The following ZMYM2 variants were observed in gnomAD, a reference collection of about 807,000 sequenced individuals.
ZMYM2 encodes the protein zinc finger MYM-type protein 2.
Under a neutral mutation model 162.8 loss-of-function variants are expected in ZMYM2, and 56 were observed. That is an observed-to-expected ratio of 0.34 (90% CI 0.28 to 0.43). The LOEUF (loss-of-function observed/expected upper bound fraction) is 0.43, where lower values mean the gene tolerates loss of function less well. Among genes scored for constraint, ZMYM2 ranks in the 20% least tolerant of loss-of-function variants. The pLI, the probability that ZMYM2 is intolerant of heterozygous loss-of-function variation, is 1.00. For missense variants in ZMYM2, 1,275 were observed against 1,621.8 expected (o/e 0.79, Z 3.67); for synonymous variants, 510 against 541.6 (o/e 0.94, Z 0.81).
At chr13:19,958,053 G>A (rs1954678277), upstream of ZMYM2, among the ~76,000 whole-genome samples, 1 of 152,218 alleles carries the variant, frequency 6.6e-6, no homozygotes, top group Non-Finnish European at 1.5e-5. Context: ...GGAGGACGTC[G>A]TCTCCTCCTG....
At chr13:20,031,528 G>T in intron 10 of ZMYM2, 93 bp downstream of exon 10, 1 of 815,868 alleles carries the variant, frequency 1.2e-6, no homozygotes, top group Non-Finnish European at 1.8e-6. Flanking sequence ...CTATTTCTTG[G>T]TAGATAAAAA....
chr13:20,010,320 C>G (rs1053958523), intron 6 of ZMYM2, among the ~76,000 whole-genome samples: 2 of 151,822 alleles, frequency 1.3e-5, no homozygotes, highest in South Asian at 4.2e-4. Context: ...CTCAGCCTCC[C>G]GAGTAGCTGG....
chr13:19,878,294 C>A, the ZMYM2 span, among the ~76,000 whole-genome samples: 1 of 152,120 alleles, frequency 6.6e-6, no homozygotes, highest in Non-Finnish European at 1.5e-5. Context: ...CTCAAGTGAT[C>A]TGCCTGCCTC....
intron 6 of ZMYM2, among the ~76,000 whole-genome samples, chr13:20,009,479 C>G (rs1951004605): frequency 6.6e-6 from 1 of 152,146 alleles, no homozygotes; most frequent in Non-Finnish European, 1.5e-5. Flanking sequence ...GCATTAGTTA[C>G]ATTTACAGTG....
chr13:20,066,874 A>G lies in ZMYM2; in HGVS notation c.3156A>G (p.Ser1052=), dbSNP rs1350322370. 6.2e-7 allele frequency: 1 copy of G among 1,604,478 alleles called. No homozygotes were observed. The highest frequency in any genetic ancestry group is 1.3e-5 in the African/African-American group (1 of 74,500). ...AGGGAGCCAAGAGAAAGGCTGTATC[A>G]GGATACCAGTCTCATGATGATAGTT... ...KKKGAKRKAV[S]GYQSHDDSSD... Residue 1052 remains serine, a synonymous_variant, in exon 20 of 25, where the codon TCA becomes TCG. Transcript: ENST00000610343.
At chr13:19,975,419 A>G (rs867578331) in intron 2 of ZMYM2, among the ~76,000 whole-genome samples, 5 of 152,142 alleles carry the variant, frequency 3.3e-5, no homozygotes, top group African/African-American at 9.7e-5. Context: ...TGGAATCACA[A>G]TATTTGTCCT....
At chr13:20,060,757 A>G (rs1956168267) in intron 16 of ZMYM2, among the ~76,000 whole-genome samples, 1 of 152,170 alleles carries the variant, frequency 6.6e-6, no homozygotes, top group Non-Finnish European at 1.5e-5. Context: ...ATATTATTTT[A>G]TCCCAAATCA....
intron 2 of ZMYM2, among the ~76,000 whole-genome samples, chr13:19,976,200 T>C (rs7983243): frequency 0.98 from 149,159 of 151,744 alleles, 73,358 homozygotes; most frequent in Middle Eastern, 1. Flanking sequence ...TGCTGGCGCG[T>C]GCCTGTAGTC....
the ZMYM2 span, among the ~76,000 whole-genome samples, chr13:19,868,003 C>A: frequency 6.6e-6 from 1 of 152,212 alleles, no homozygotes; most frequent in Admixed American, 6.5e-5. Flanking sequence ...CCGTTGCTCA[C>A]CATTTGGAGC....
chr13:20,016,347 T>A (rs1295399587), intron 6 of ZMYM2, among the ~76,000 whole-genome samples: 1 of 152,120 alleles, frequency 6.6e-6, no homozygotes, highest in Non-Finnish European at 1.5e-5. Flanking sequence ...TAATATAGAT[T>A]TACAATTTTG....
At position 20,073,981 on chromosome 13, in the gene ZMYM2, G is replaced by T. The variant is rs1957282638; in HGVS notation, c.3453+6591G>T. Among the ~76,000 whole-genome samples the T allele has an allele frequency of 3.3e-5, 5 of 152,052 alleles. No homozygotes were observed. In the South Asian group the frequency reaches 1.0e-3, roughly 32 times the overall value. On this transcript the variant is annotated intron_variant, in intron 21 of 24. Coordinates refer to ENST00000610343, the MANE Select transcript of ZMYM2 (RefSeq NM_197968.4). Reference sequence around the variant, plus strand: ...TCTCTAGAACTCTTTTCATCTTGCAGAACTGAAACTCTGTACTCATTAAAT... The same window carrying T: ...TCTCTAGAACTCTTTTCATCTTGCATAACTGAAACTCTGTACTCATTAAAT...
chr13:19,947,739 C>T, the ZMYM2 span, among the ~76,000 whole-genome samples: 10 of 152,064 alleles, frequency 6.6e-5, no homozygotes, highest in Non-Finnish European at 2.9e-5. Context: ...GGTGATCCAT[C>T]GGCCTCGGCT....
chr13:19,885,858 A>AT, the ZMYM2 span, among the ~76,000 whole-genome samples: 6,995 of 45,386 alleles, frequency 0.15, 1,572 homozygotes, highest in South Asian at 0.24. Context: ...AAAAAAAAAA[A>AT]AAAAATATAT....
chr13:19,922,530 A>C, the ZMYM2 span, among the ~76,000 whole-genome samples: 2 of 152,042 alleles, frequency 1.3e-5, no homozygotes, highest in Non-Finnish European at 1.5e-5. Flanking sequence ...ATCACTTTTG[A>C]ATTTTTTTTC....
intron 10 of ZMYM2, among the ~76,000 whole-genome samples, chr13:20,032,091 G>A (rs1594473750): frequency 6.6e-6 from 1 of 151,842 alleles, no homozygotes; most frequent in East Asian, 1.9e-4. Context: ...GGCTGGTCTC[G>A]ATCTCCAGAC....
At chr13:20,017,247 G>A (rs948218946) in intron 6 of ZMYM2, among the ~76,000 whole-genome samples, 4 of 152,198 alleles carry the variant, frequency 2.6e-5, no homozygotes, top group African/African-American at 7.2e-5. Flanking sequence ...ATTGTAGCCC[G>A]GCCAGGGTGG....
rs1156935393 is a variant in ZMYM2 at position 20,005,077 on chromosome 13, T to G, written c.1137T>G (p.Asp379Glu). 6.2e-7 allele frequency: 1 copy of G among 1,601,318 alleles called. No homozygotes were observed. Among genetic ancestry groups the G allele is most frequent in the Non-Finnish European group, 8.5e-7 (1 of 1,176,016 alleles). Reference sequence around the variant, plus strand: ...ATATGTACCACTTATTTTTCAGAGATATAACTACAATGAAAGGAACCATTG... The same window carrying G: ...ATATGTACCACTTATTTTTCAGAGAGATAACTACAATGAAAGGAACCATTG... ...PKKLCVMCKK[D>E]ITTMKGTIVA... Residue 379 changes from aspartate (D) to glutamate (E), a missense_variant, in exon 5 of 25, where the codon GAT becomes GAG. By Grantham distance (45) the Asp-to-Glu change is conservative. Around this residue, in one of 10 missense-constraint regions of ZMYM2, gnomAD observed 115 missense variants for 175.3 expected, o/e 0.66. Coordinates refer to ENST00000610343, the MANE Select transcript of ZMYM2 (RefSeq NM_197968.4).
intron 2 of ZMYM2, among the ~76,000 whole-genome samples, chr13:19,966,396 AG>A (rs1308716741): frequency 2.0e-5 from 3 of 150,862 alleles, no homozygotes; most frequent in Admixed American, 2.0e-4. Context: ...AGCCTCCCAA[AG>A]TGCTGGGATT....
intron 2 of ZMYM2, among the ~76,000 whole-genome samples, chr13:19,965,438 CAG>C (rs1455033743): frequency 1.3e-5 from 2 of 152,146 alleles, no homozygotes; most frequent in Non-Finnish European, 2.9e-5. Context: ...TTGGACTAGA[CAG>C]AGTGTTCAGG....
Sources: gnomAD v4.1 joint callset for allele counts (sites outside exome capture counted in the v4.1 genomes callset) on GRCh38, gnomAD v4.1.1 for gene constraint, gnomAD v4.1.1 regional missense constraint, MANE v1.5 for transcripts, NCBI Gene and HGNC (gene_info 2026-07-23, HGNC 2026-07-21) for gene names.